Variants in RTN1 observed in about 807,000 individuals in gnomAD.
RTN1 encodes the protein reticulon-1.
A neutral mutation model predicts 65.5 loss-of-function variants in RTN1; 25 were observed. The ratio of observed to expected loss-of-function variants is 0.38; its 90% CI spans 0.28 to 0.53. The LOEUF (loss-of-function observed/expected upper bound fraction) is 0.53, where lower values mean the gene tolerates loss of function less well. RTN1 is among the 20% of genes least tolerant of loss of function. RTN1 has a pLI of 0.79. For synonymous variants in RTN1, 471 were observed against 447.6 expected, an observed-to-expected ratio of 1.05 and a Z score of -0.66; for missense variants, 983 against 1,025.4, an observed-to-expected ratio of 0.96 and a Z score of 0.57.
intron 1 of RTN1, among the ~76,000 whole-genome samples, chr14:59,749,370 C>CTA (rs1255342281): frequency 3.3e-5 from 1 of 30,342 alleles, no homozygotes; most frequent in African/African-American, 2.2e-4. Context: ...ATATATATAT[C>CTA]TATATATCTA....
chr14:59,741,079 C>G (rs532642973), intron 2 of RTN1, among the ~76,000 whole-genome samples: 1 of 152,292 alleles, frequency 6.6e-6, no homozygotes, highest in Non-Finnish European at 1.5e-5. Context: ...ATTAGGACTC[C>G]CTTTGTTCCT....
At chr14:59,685,520 A>G (rs1436031173) in intron 3 of RTN1, among the ~76,000 whole-genome samples, 1 of 152,218 alleles carries the variant, frequency 6.6e-6, no homozygotes, top group African/African-American at 2.4e-5. Flanking sequence ...TCTATACATT[A>G]ACAGTGAATT....
chr14:59,621,411 T>C (rs1237501565), intron 3 of RTN1, among the ~76,000 whole-genome samples: 1 of 152,318 alleles, frequency 6.6e-6, no homozygotes, highest in South Asian at 2.1e-4. Context: ...TGCTAAAAAC[T>C]GAGGAGAAAC....
At chr14:59,632,873 A>C (rs187236569) in intron 3 of RTN1, among the ~76,000 whole-genome samples, 7 of 152,130 alleles carry the variant, frequency 4.6e-5, no homozygotes. Flanking sequence ...AGGTGAGTGG[A>C]TCACTTGAGC....
chr14:59,713,507 C>G (rs948120761), intron 3 of RTN1, among the ~76,000 whole-genome samples: 1 of 152,194 alleles, frequency 6.6e-6, no homozygotes, highest in African/African-American at 2.4e-5. Context: ...CTGGTTTCGA[C>G]CAGACTCAGA....
intron 3 of RTN1, among the ~76,000 whole-genome samples, chr14:59,672,240 A>G (rs1026885170): frequency 6.6e-6 from 1 of 152,212 alleles, no homozygotes; most frequent in Non-Finnish European, 1.5e-5. Flanking sequence ...ATAGCCAGCA[A>G]TTATGGTGGT....
chr14:59,648,996 G>A (rs1882961742), intron 3 of RTN1, among the ~76,000 whole-genome samples: 1 of 152,052 alleles, frequency 6.6e-6, no homozygotes, highest in South Asian at 2.1e-4. Context: ...CACTAGCTTT[G>A]TTCTTTTTAC....
chr14:59,769,872 T>C (rs1885920168), intron 1 of RTN1, among the ~76,000 whole-genome samples: 1 of 152,098 alleles, frequency 6.6e-6, no homozygotes, highest in Non-Finnish European at 1.5e-5. Context: ...TTCTTACTTG[T>C]GGGACAAGGA....
At chr14:59,724,509 T>TCACTGTTGC (rs977902346) in intron 3 of RTN1, among the ~76,000 whole-genome samples, 1 of 152,340 alleles carries the variant, frequency 6.6e-6, no homozygotes, top group Admixed American at 6.5e-5. Context: ...TGACCGGACC[T>TCACTGTTGC]CACTGTTGCC....
chr14:59,667,039 A>G (rs1192117953), intron 3 of RTN1, among the ~76,000 whole-genome samples: 2 of 150,934 alleles, frequency 1.3e-5, no homozygotes, highest in Non-Finnish European at 2.9e-5. Context: ...TACAAAGAGG[A>G]GCTGGTACCA....
chr14:59,740,243 T>C (rs1885090337), intron 2 of RTN1, among the ~76,000 whole-genome samples: 1 of 152,224 alleles, frequency 6.6e-6, no homozygotes, highest in African/African-American at 2.4e-5. Context: ...AGCACTCATA[T>C]GAGAGCCAGC....
rs78676530 is a variant in RTN1 at position 59,822,795 on chromosome 14, C to T, written c.241+47595G>A. Among the ~76,000 whole-genome samples, 510 of 151,482 alleles carry T rather than the reference C, an allele frequency of 3.4e-3. 19 individuals carry two copies. The East Asian group carries it at 0.058, about 17-fold the overall frequency. On this transcript the variant is annotated intron_variant, in intron 1 of 8. Coordinates refer to ENST00000267484, the MANE Select transcript of RTN1 (RefSeq NM_021136.3). ...CATTCAGGAGCAGGTTGTTTAATTT[C>T]GATGTAATTGTATGGCTCTGAGTGA...
Position 59,675,279 on chromosome 14 carries a change from G to A in RTN1, c.1765+51640C>T, listed in dbSNP as rs373956227. 9.9e-5 allele frequency among the ~76,000 whole-genome samples: 15 copies of A among 152,202 alleles called. No homozygotes were observed. The East Asian group carries it at 2.5e-3, about 26-fold the overall frequency. The stretch of plus-strand genomic sequence containing the variant: ...AATCATGTGTGCATATGGGGGTGAA[G>A]GCAGGAAAGAGAGAAAGGGGAAAAT... On this transcript the variant is annotated intron_variant, in intron 3 of 8. Coordinates refer to ENST00000267484, the MANE Select transcript of RTN1 (RefSeq NM_021136.3).
intron 1 of RTN1, among the ~76,000 whole-genome samples, chr14:59,755,819 A>G (rs1323292473): frequency 6.6e-6 from 1 of 152,230 alleles, no homozygotes; most frequent in Non-Finnish European, 1.5e-5. Context: ...AGTTAAAAAT[A>G]AAAAGAGCCT....
chr14:59,637,851 C>G (rs937856322), intron 3 of RTN1, among the ~76,000 whole-genome samples: 1 of 151,708 alleles, frequency 6.6e-6, no homozygotes, highest in South Asian at 2.1e-4. Context: ...CAGCTATAGA[C>G]TTACAATTTT....
rs1034579103 is a variant in RTN1, at chr14:59,684,896, G to A, written c.1765+42023C>T. 2.6e-5 allele frequency among the ~76,000 whole-genome samples: 4 copies of A among 152,000 alleles called. No homozygotes were observed. In the East Asian group the frequency reaches 7.7e-4, roughly 29 times the overall value. ...GTGCTGCTGATGAGAAATATAATAC[G>A]TGCCTGATTCTCATCTCTTCAGTCC... On this transcript the variant is annotated intron_variant, in intron 3 of 8. Transcript: ENST00000267484.
At chr14:59,755,943 A>C (rs934465853) in intron 1 of RTN1, among the ~76,000 whole-genome samples, 6 of 152,242 alleles carry the variant, frequency 3.9e-5, no homozygotes, top group African/African-American at 1.4e-4. Context: ...GTCTGCCAGA[A>C]TAATAGATTT....
At chr14:59,791,364 T>C (rs528688952) in intron 1 of RTN1, among the ~76,000 whole-genome samples, 1 of 152,278 alleles carries the variant, frequency 6.6e-6, no homozygotes, top group South Asian at 2.1e-4. Flanking sequence ...GAATTTCAGG[T>C]TTCCTCCAGG....
rs1566713097 is a variant in RTN1, at chr14:59,750,101, T to TTATAGATTATAGATATAA, written c.242-3621_242-3620insTTATATCTATAATCTATA. 4.4e-3 allele frequency among the ~76,000 whole-genome samples: 278 copies of TTATAGATTATAGATATAA among 63,178 alleles called. 8 individuals carry two copies. Among genetic ancestry groups the TTATAGATTATAGATATAA allele is most frequent in the African/African-American group, 0.027 (270 of 10,132 alleles). 41.4% of individuals were successfully genotyped at this position (63,178 alleles called of 152,430 possible). On this transcript the variant is annotated intron_variant, in intron 1 of 8. Transcript: ENST00000267484. ...ATATTATAGACATATATATTATATA[T>TTATAGATTATAGATATAA]TATATATTATATATAATATATATTA...
Sources: gnomAD v4.1 joint callset for allele counts (sites outside exome capture counted in the v4.1 genomes callset) on GRCh38, gnomAD v4.1.1 for gene constraint, MANE v1.5 for transcripts, NCBI Gene and HGNC (gene_info 2026-07-23, HGNC 2026-07-21) for gene names.